Variants in LINGO2 observed in about 807,000 individuals in gnomAD.
The protein encoded by LINGO2 is leucine-rich repeat and immunoglobulin-like domain-containing nogo receptor-interacting protein 2.
A neutral mutation model predicts 30.6 loss-of-function variants in LINGO2; 14 were observed. The observed-to-expected ratio is 0.46, with a 90% CI of 0.30 to 0.72. The LOEUF is 0.72. LINGO2 is among the 30% of genes least tolerant of loss of function. LINGO2 has a pLI of 0.07. For missense variants in LINGO2, 729 were observed against 751.7 expected, an observed-to-expected ratio of 0.97 and a Z score of 0.35; for synonymous variants, 317 against 288.5, an observed-to-expected ratio of 1.10 and a Z score of -1.00.
chr9:27,944,260 T>G (rs2118169770), downstream of LINGO2: 1 of 152,334 alleles, frequency 6.6e-6, no homozygotes, highest in Middle Eastern at 3.4e-3. Context: ...TTTACTTGGC[T>G]AAACCTTGCA....
intron 4 of LINGO2, among the ~76,000 whole-genome samples, chr9:28,137,711 T>G (rs1191653059): frequency 6.6e-6 from 1 of 152,146 alleles, no homozygotes; most frequent in Admixed American, 6.5e-5. Flanking sequence ...AAGCCAGATT[T>G]TCATAATGAT....
chr9:29,036,925 T>A, the LINGO2 span, among the ~76,000 whole-genome samples: 2 of 151,932 alleles, frequency 1.3e-5, no homozygotes, highest in African/African-American at 2.4e-5. Context: ...AATTGAAAAA[T>A]TAGTTATTAA....
intron 4 of LINGO2, among the ~76,000 whole-genome samples, chr9:28,212,535 T>C (rs1820627560): frequency 6.6e-6 from 1 of 151,364 alleles, no homozygotes; most frequent in South Asian, 2.1e-4. Context: ...TATCTTCCTA[T>C]AGTTTTGGGT....
intron 1 of LINGO2, among the ~76,000 whole-genome samples, chr9:28,602,283 T>C (rs139851664): frequency 0.016 from 2,468 of 152,088 alleles, 41 homozygotes; most frequent in Non-Finnish European, 0.026. Context: ...ATATACCCCA[T>C]GTTGCAGGAG....
At chr9:28,110,632 GA>G (rs1489992783) in intron 4 of LINGO2, among the ~76,000 whole-genome samples, 2 of 152,232 alleles carry the variant, frequency 1.3e-5, no homozygotes, top group East Asian at 3.9e-4. Context: ...ACTAACGTAT[GA>G]AAAACTCATC....
intron 3 of LINGO2, among the ~76,000 whole-genome samples, chr9:28,306,518 A>G (rs1824364252): frequency 6.6e-6 from 1 of 152,062 alleles, no homozygotes; most frequent in Admixed American, 6.6e-5. Flanking sequence ...AATTAAAAGA[A>G]CTAGAAAAGC....
the LINGO2 span, among the ~76,000 whole-genome samples, chr9:28,729,473 C>CAACA: frequency 1.3e-5 from 2 of 151,882 alleles, no homozygotes; most frequent in Non-Finnish European, 1.5e-5. Flanking sequence ...GAAGTTTTCA[C>CAACA]AACAAACAAA....
chr9:28,761,174 A>C, the LINGO2 span, among the ~76,000 whole-genome samples: 1 of 151,988 alleles, frequency 6.6e-6, no homozygotes, highest in South Asian at 2.1e-4. Flanking sequence ...ATAAAGAAAT[A>C]TTATTTGAGA....
At chr9:28,343,006 G>T (rs147764964) in intron 3 of LINGO2, among the ~76,000 whole-genome samples, 3 of 152,112 alleles carry the variant, frequency 2.0e-5, no homozygotes, top group African/African-American at 7.2e-5. Context: ...ATTTCTAAGG[G>T]ATTGCAAAAT....
chr9:28,380,887 A>G (rs1821328229), intron 2 of LINGO2, among the ~76,000 whole-genome samples: 2 of 152,110 alleles, frequency 1.3e-5, no homozygotes, highest in Non-Finnish European at 2.9e-5. Flanking sequence ...GAGAAATGCT[A>G]GGTACATAGC....
At chr9:29,207,115 G>A in the LINGO2 span, among the ~76,000 whole-genome samples, 1 of 151,210 alleles carries the variant, frequency 6.6e-6, no homozygotes, top group Non-Finnish European at 1.5e-5. Flanking sequence ...TGCATATGCT[G>A]TCTATATACA....
chr9:28,140,420 A>G (rs1214303767), intron 4 of LINGO2, among the ~76,000 whole-genome samples: 3 of 152,208 alleles, frequency 2.0e-5, no homozygotes, highest in Non-Finnish European at 4.4e-5. Flanking sequence ...ACTTCCTATG[A>G]CCCAAAGGAG....
At chr9:28,788,326 C>A in the LINGO2 span, among the ~76,000 whole-genome samples, 162 of 152,166 alleles carry the variant, frequency 1.1e-3, 1 homozygote, top group African/African-American at 3.6e-3. Context: ...ATAAGCTTTA[C>A]CATATTTTTA....
chr9:28,566,452 T>G (rs12346015), intron 1 of LINGO2, among the ~76,000 whole-genome samples: 19,407 of 152,152 alleles, frequency 0.13, 1,392 homozygotes, highest in East Asian at 0.26. Flanking sequence ...TCTGGGATAT[T>G]GAAGCAAAAG....
chr9:28,153,698 T>C (rs554084105), intron 4 of LINGO2, among the ~76,000 whole-genome samples: 11 of 152,300 alleles, frequency 7.2e-5, no homozygotes, highest in East Asian at 5.8e-4. Flanking sequence ...AATTATGTGA[T>C]TAAAATATTG....
intron 1 of LINGO2, among the ~76,000 whole-genome samples, chr9:28,645,078 T>A (rs1293683458): frequency 6.6e-6 from 1 of 152,236 alleles, no homozygotes; most frequent in African/African-American, 2.4e-5. Flanking sequence ...AGTACTAATA[T>A]TGCCAACAAA....
At chr9:28,703,459 C>G in the LINGO2 span, among the ~76,000 whole-genome samples, 1 of 151,702 alleles carries the variant, frequency 6.6e-6, no homozygotes, top group Non-Finnish European at 1.5e-5. Flanking sequence ...TAATTTCACT[C>G]TGGTCTGAGA....
chr9:28,387,499 C>T (rs573721234), intron 2 of LINGO2, among the ~76,000 whole-genome samples: 23 of 152,172 alleles, frequency 1.5e-4, no homozygotes, highest in Admixed American at 2.6e-4. Context: ...GCCCCTTCCA[C>T]GTTGTAGAAG....
chr9:28,787,138 T>C, the LINGO2 span, among the ~76,000 whole-genome samples: 65 of 152,258 alleles, frequency 4.3e-4, no homozygotes, highest in Middle Eastern at 3.4e-3. Flanking sequence ...CCTAGGTAGA[T>C]AGAGAAGTTG....
Sources: gnomAD v4.1 joint callset for allele counts (sites outside exome capture counted in the v4.1 genomes callset) on GRCh38, gnomAD v4.1.1 for gene constraint, MANE v1.5 for transcripts, NCBI Gene and HGNC (gene_info 2026-07-23, HGNC 2026-07-21) for gene names.